The following ZFHX3 variants were observed in gnomAD, a reference collection of about 807,000 sequenced individuals.
The protein encoded by ZFHX3 is zinc finger homeobox 3, also known as zinc finger homeobox protein 3.
Under a neutral mutation model 279.1 loss-of-function variants are expected in ZFHX3, and 42 were observed. The observed-to-expected ratio is 0.15, with a 90% confidence interval of 0.12 to 0.19. ZFHX3 has a LOEUF of 0.19. Among genes scored for constraint, ZFHX3 ranks in the 10% least tolerant of loss-of-function variants. The pLI is 1.00. For missense variants in ZFHX3, 4,981 were observed against 4,754.0 expected, an observed-to-expected ratio of 1.05 and a Z score of -1.40; for synonymous variants, 2,293 against 1,957.8, an observed-to-expected ratio of 1.17 and a Z score of -4.52.
At chr16:73,451,355 C>G (rs2018279503) in intron 3 of ZFHX3, among the ~76,000 whole-genome samples, 1 of 152,186 alleles carries the variant, frequency 6.6e-6, no homozygotes, top group Non-Finnish European at 1.5e-5. Context: ...CTTTAGACTA[C>G]TTGTTACTTG....
intron 2 of ZFHX3, among the ~76,000 whole-genome samples, chr16:73,549,066 G>T (rs927930159): frequency 6.6e-6 from 1 of 152,096 alleles, no homozygotes; most frequent in African/African-American, 2.4e-5. Context: ...TGTTCACAAG[G>T]TGATGCTTTG....
At chr16:73,088,325 G>C (rs1385158660) in intron 8 of ZFHX3, among the ~76,000 whole-genome samples, 3 of 151,426 alleles carry the variant, frequency 2.0e-5, no homozygotes, top group Non-Finnish European at 4.4e-5. Context: ...TTTGTATTTT[G>C]TATTTTTCGT....
intron 5 of ZFHX3, among the ~76,000 whole-genome samples, chr16:72,822,158 C>T (rs991003670): frequency 6.6e-6 from 1 of 152,110 alleles, no homozygotes; most frequent in Non-Finnish European, 1.5e-5. Flanking sequence ...TGATTGTTAA[C>T]GAAACATCTA....
At chr16:73,277,120 A>T (rs1420420407) in intron 4 of ZFHX3, among the ~76,000 whole-genome samples, 3 of 152,218 alleles carry the variant, frequency 2.0e-5, no homozygotes, top group Non-Finnish European at 4.4e-5. Flanking sequence ...CACTTTAAAA[A>T]ATGTTCTCCA....
chr16:73,500,080 C>T (rs140684550), intron 2 of ZFHX3: 1 of 152,204 alleles, frequency 6.6e-6, no homozygotes, highest in East Asian at 1.9e-4. Flanking sequence ...GAGTGTGCTC[C>T]CTGTACTTAC....
At chr16:73,244,983 C>G (rs2013235328) in intron 5 of ZFHX3, among the ~76,000 whole-genome samples, 1 of 152,144 alleles carries the variant, frequency 6.6e-6, no homozygotes, top group South Asian at 2.1e-4. Context: ...TCAAAGCCAC[C>G]TATATTAACA....
intron 1 of ZFHX3, among the ~76,000 whole-genome samples, chr16:73,731,842 TG>T (rs1339736282): frequency 2.0e-5 from 3 of 152,208 alleles, no homozygotes; most frequent in Non-Finnish European, 4.4e-5. Flanking sequence ...ATAGAAGGAC[TG>T]AGGTGTTAAA....
intron 3 of ZFHX3, among the ~76,000 whole-genome samples, chr16:73,392,635 T>C (rs1354415593): frequency 6.6e-6 from 1 of 152,006 alleles, no homozygotes; most frequent in African/African-American, 2.4e-5. Context: ...AAACTGTGTA[T>C]GTAAGTAACT....
In ZFHX3 at chr16:72,796,471, T is replaced by C. The variant is rs1266748072; in HGVS notation, c.6211A>G (p.Ile2071Val). 2 of 1,342,456 alleles carry C rather than the reference T, an allele frequency of 1.5e-6. No homozygotes were observed. Among genetic ancestry groups the C allele is most frequent in the African/African-American group, 3.3e-5 (2 of 59,824 alleles). 83.2% of individuals were successfully genotyped at this position (1,342,456 alleles called of 1,614,324 possible). Residue 2071 changes from isoleucine to valine, a missense_variant, in exon 9 of 10, where the codon ATC becomes GTC. Transcript: ENST00000268489. ...GCCGGTGCAATTGTAGGTGAGGTGA[T>C]GGGTGGGGCTGATGCGGGGATGGCT... The part of the protein sequence containing the change: ...TPAIPASAPP[I>V]TSPTIAPAQP...
chr16:73,293,581 G>C (rs1323344810), intron 4 of ZFHX3, among the ~76,000 whole-genome samples: 2 of 152,212 alleles, frequency 1.3e-5, no homozygotes, highest in African/African-American at 4.8e-5. Context: ...CTGGGAATGA[G>C]GAAAATGAAT....
intron 2 of ZFHX3, among the ~76,000 whole-genome samples, chr16:73,624,462 G>C (rs2052396794): frequency 1.0e-5 from 1 of 97,330 alleles, no homozygotes; most frequent in Non-Finnish European, 2.6e-5. Context: ...GAGACCTAGA[G>C]TCAGGGGGCA....
At chr16:73,409,917 T>G (rs573968521) in intron 3 of ZFHX3, among the ~76,000 whole-genome samples, 1 of 143,792 alleles carries the variant, frequency 7.0e-6, no homozygotes, top group Non-Finnish European at 1.5e-5. Flanking sequence ...GAACAACAAT[T>G]GAACTCACGG....
At chr16:73,266,403 G>A (rs1215443003) in intron 4 of ZFHX3, among the ~76,000 whole-genome samples, 1 of 152,114 alleles carries the variant, frequency 6.6e-6, no homozygotes, top group Non-Finnish European at 1.5e-5. Context: ...TTACATACAA[G>A]ATAACATCTA....
chr16:73,458,147 C>A (rs1208743595), intron 2 of ZFHX3, among the ~76,000 whole-genome samples: 1 of 151,990 alleles, frequency 6.6e-6, no homozygotes, highest in Non-Finnish European at 1.5e-5. Flanking sequence ...TACTTTCAAA[C>A]CCCTTCTCTC....
At chr16:73,802,834 T>G (rs566549388) in intron 1 of ZFHX3, among the ~76,000 whole-genome samples, 1 of 152,266 alleles carries the variant, frequency 6.6e-6, no homozygotes, top group Admixed American at 6.5e-5. Flanking sequence ...TGTTTTTGTT[T>G]TTTAATAGAG....
At chr16:73,577,431 C>T (rs989404092) in intron 2 of ZFHX3, among the ~76,000 whole-genome samples, 1 of 152,176 alleles carries the variant, frequency 6.6e-6, no homozygotes, top group African/African-American at 2.4e-5. Context: ...CTTACAACTG[C>T]ATACAAGTCT....
intron 1 of ZFHX3, among the ~76,000 whole-genome samples, chr16:73,816,631 G>A (rs1006045384): frequency 1.7e-5 from 1 of 59,662 alleles, no homozygotes; most frequent in Admixed American, 1.5e-4. Context: ...AAAAGAGATG[G>A]GGGGGGAGAG....
chr16:72,926,934 C>T (rs530081133), intron 3 of ZFHX3, among the ~76,000 whole-genome samples: 8 of 152,134 alleles, frequency 5.3e-5, no homozygotes, highest in South Asian at 2.1e-4. Flanking sequence ...CCCAGGTTTA[C>T]GAAATTTATA....
chr16:73,482,744 A>G (rs531492491), intron 2 of ZFHX3, among the ~76,000 whole-genome samples: 2 of 152,216 alleles, frequency 1.3e-5, no homozygotes, highest in South Asian at 4.1e-4. Context: ...TCCACTGTAT[A>G]GAATATTGAT....
Sources: gnomAD v4.1 joint callset for allele counts (sites outside exome capture counted in the v4.1 genomes callset) on GRCh38, gnomAD v4.1.1 for gene constraint, MANE v1.5 for transcripts, NCBI Gene and HGNC (gene_info 2026-07-23, HGNC 2026-07-21) for gene names.